DOCK3: variants seen among roughly 807,000 people sequenced by gnomAD.
DOCK3 encodes dedicator of cytokinesis protein 3.
DOCK3 carries 60 observed loss-of-function variants against 265.6 expected under a neutral mutation model. The ratio of observed to expected loss-of-function variants is 0.23; its 90% CI spans 0.18 to 0.28. The LOEUF (loss-of-function observed/expected upper bound fraction) is 0.28. Ranked by LOEUF, DOCK3 falls within the 10% of genes least tolerant of loss-of-function variation. The probability of loss-of-function intolerance (pLI) is 1.00; values close to 1 mark genes in which losing one functional copy is unlikely to be tolerated. For synonymous variants in DOCK3, 881 were observed against 938.0 expected (o/e 0.94, Z 1.11); for missense variants, 1,981 against 2,594.3 (o/e 0.76, Z 5.14).
At chr3:50,860,993 G>A (rs1250651290) in intron 3 of DOCK3, among the ~76,000 whole-genome samples, 2 of 152,204 alleles carry the variant, frequency 1.3e-5, no homozygotes, top group African/African-American at 4.8e-5. Context: ...GCATGCCTGA[G>A]TGGCTGCTCT....
At chr3:50,955,670 G>C (rs1441228457) in intron 5 of DOCK3, among the ~76,000 whole-genome samples, 1 of 152,102 alleles carries the variant, frequency 6.6e-6, no homozygotes, top group Non-Finnish European at 1.5e-5. Flanking sequence ...ACAGACACTA[G>C]GGCCTACTTG....
intron 1 of DOCK3, among the ~76,000 whole-genome samples, chr3:50,738,138 A>T (rs940293873): frequency 6.6e-6 from 1 of 151,966 alleles, no homozygotes; most frequent in Admixed American, 6.6e-5. Flanking sequence ...GTTGGGTGGG[A>T]TGGCCTGGTG....
intron 5 of DOCK3, among the ~76,000 whole-genome samples, chr3:51,059,460 C>T (rs1025024018): frequency 1.4e-4 from 12 of 87,914 alleles, no homozygotes; most frequent in African/African-American, 5.8e-4. Context: ...AAAAACCACA[C>T]ACACACACAC....
chr3:51,106,063 A>C (rs1286634157), intron 9 of DOCK3, among the ~76,000 whole-genome samples: 1 of 152,186 alleles, frequency 6.6e-6, no homozygotes, highest in Non-Finnish European at 1.5e-5. Flanking sequence ...TTGGTGTGGG[A>C]GCATCTGTAG....
At chr3:50,702,669 T>A (rs1305881746) in intron 1 of DOCK3, among the ~76,000 whole-genome samples, 1 of 152,146 alleles carries the variant, frequency 6.6e-6, no homozygotes, top group African/African-American at 2.4e-5. Flanking sequence ...GTGCCCAGTC[T>A]GATTGTTGTA....
intron 5 of DOCK3, among the ~76,000 whole-genome samples, chr3:50,973,056 T>TTTC (rs2077294952): frequency 7.0e-6 from 1 of 142,754 alleles, no homozygotes; most frequent in East Asian, 2.0e-4. Flanking sequence ...TTTCTTTTTT[T>TTTC]TTTTTTTTTT....
At chr3:50,698,294 C>T (rs1309945051) in intron 1 of DOCK3, among the ~76,000 whole-genome samples, 1 of 152,050 alleles carries the variant, frequency 6.6e-6, no homozygotes, top group Non-Finnish European at 1.5e-5. Context: ...TTGTGTTTGG[C>T]TGCTTTCACT....
At chr3:51,101,412 G>A (rs958764583) in intron 9 of DOCK3, among the ~76,000 whole-genome samples, 6 of 152,134 alleles carry the variant, frequency 3.9e-5, no homozygotes, top group Non-Finnish European at 7.3e-5. Flanking sequence ...GAGCCACCGC[G>A]CCCGGCCTCG....
At chr3:50,961,241 G>A (rs1575616874) in intron 5 of DOCK3, among the ~76,000 whole-genome samples, 1 of 152,084 alleles carries the variant, frequency 6.6e-6, no homozygotes, top group East Asian at 1.9e-4. Flanking sequence ...CAAAAAATTT[G>A]GGAAACATAA....
chr3:51,325,626 G>A lies in DOCK3; in HGVS notation c.3403-4512G>A, dbSNP rs1046798831. 3.9e-5 allele frequency among the ~76,000 whole-genome samples: 6 copies of A among 152,102 alleles called. No homozygotes were observed. The East Asian group carries it at 5.8e-4, about 15-fold the overall frequency. ...ACACATGCACATGTATGTTTACTGCGACACTATTCACAATAGCAAAGACTT... is the reference window on the plus strand; with the variant it reads ...ACACATGCACATGTATGTTTACTGCAACACTATTCACAATAGCAAAGACTT... On this transcript the variant is annotated intron_variant, in intron 32 of 52. Transcript: ENST00000266037.
chr3:51,312,286 C>T (rs1249219803), intron 29 of DOCK3, among the ~76,000 whole-genome samples, 190 bp from the exon 30 acceptor site: 1 of 151,854 alleles, frequency 6.6e-6, no homozygotes, highest in African/African-American at 2.4e-5. Context: ...AGAATCAACA[C>T]AATTGGCTTC....
intron 22 of DOCK3, among the ~76,000 whole-genome samples, chr3:51,253,306 A>G (rs1300499780): frequency 1.3e-5 from 2 of 152,120 alleles, no homozygotes; most frequent in African/African-American, 4.8e-5. Context: ...TTCATCAGGG[A>G]TATTGGTCTA....
At chr3:51,135,111 C>T (rs2107043578) in intron 9 of DOCK3, among the ~76,000 whole-genome samples, 1 of 152,280 alleles carries the variant, frequency 6.6e-6, no homozygotes, top group African/African-American at 2.4e-5. Flanking sequence ...GGGTTTTTAG[C>T]TGCCTGTTTT....
chr3:50,825,080 A>AT (rs1479074709), intron 2 of DOCK3, among the ~76,000 whole-genome samples: 2 of 152,340 alleles, frequency 1.3e-5, no homozygotes, highest in East Asian at 3.9e-4. Flanking sequence ...TATAAAAAAT[A>AT]TTTGGAATTT....
At chr3:51,006,761 T>C (rs1310105048) in intron 5 of DOCK3, among the ~76,000 whole-genome samples, 1 of 152,250 alleles carries the variant, frequency 6.6e-6, no homozygotes, top group South Asian at 2.1e-4. Flanking sequence ...CTCCTAGTGC[T>C]CTCCCTCCCT....
chr3:51,206,349 A>G (rs1043441041), intron 12 of DOCK3, among the ~76,000 whole-genome samples: 1 of 152,234 alleles, frequency 6.6e-6, no homozygotes, highest in African/African-American at 2.4e-5. Flanking sequence ...GGAGATGATT[A>G]GCAAGACACA....
At chr3:51,059,372 AT>A (rs2081321531) in intron 5 of DOCK3, among the ~76,000 whole-genome samples, 3 of 152,048 alleles carry the variant, frequency 2.0e-5, no homozygotes, top group African/African-American at 7.2e-5. Flanking sequence ...AAATGCAGAC[AT>A]TTGGACCATA....
chr3:51,145,455 C>A lies in DOCK3; in HGVS notation c.747-1094C>A, dbSNP rs113172284. Reference sequence around the variant, plus strand: ...CCATGTGTTCTCATTGTTCTATTCCCACCTATGAGCTGTAACATTTTTTAA... The same window carrying A: ...CCATGTGTTCTCATTGTTCTATTCCAACCTATGAGCTGTAACATTTTTTAA... On this transcript the variant is annotated intron_variant, in intron 9 of 52. Coordinates refer to ENST00000266037, the MANE Select transcript of DOCK3 (RefSeq NM_004947.5). 3.5e-3 allele frequency among the ~76,000 whole-genome samples: 529 copies of A among 152,194 alleles called. 4 individuals are homozygous for A. Among genetic ancestry groups the A allele is most frequent in the African/African-American group, 0.012 (510 of 41,540 alleles).
intron 3 of DOCK3, among the ~76,000 whole-genome samples, chr3:50,844,306 C>T (rs1483548680): frequency 2.0e-5 from 3 of 152,176 alleles, no homozygotes; most frequent in Admixed American, 6.5e-5. Flanking sequence ...GTCTCGAACT[C>T]GTGAGCTTAG....
Sources: gnomAD v4.1 joint callset for allele counts (sites outside exome capture counted in the v4.1 genomes callset) on GRCh38, gnomAD v4.1.1 for gene constraint, MANE v1.5 for transcripts, NCBI Gene and HGNC (gene_info 2026-07-23, HGNC 2026-07-21) for gene names.